MBTPS1: variants seen among roughly 807,000 people sequenced by gnomAD.
MBTPS1 encodes membrane bound transcription factor peptidase, site 1.
Under a neutral mutation model 127.8 loss-of-function variants are expected in MBTPS1, and 94 were observed. The observed-to-expected ratio is 0.74, with a 90% CI of 0.62 to 0.87. The LOEUF (loss-of-function observed/expected upper bound fraction) is 0.87. Ranked by LOEUF, MBTPS1 falls within the 40% of genes least tolerant of loss-of-function variation. The pLI, the probability that MBTPS1 is intolerant of heterozygous loss-of-function variation, is 0.00. For synonymous variants in MBTPS1, 632 were observed against 509.4 expected (o/e 1.24, Z -3.24); for missense variants, 1,636 against 1,353.2 (o/e 1.21, Z -3.28).
At chr16:84,084,320 T>C (rs1029317121) in intron 10 of MBTPS1, among the ~76,000 whole-genome samples, 3 of 152,186 alleles carry the variant, frequency 2.0e-5, no homozygotes, top group African/African-American at 4.8e-5. Context: ...CTAAGCTCCA[T>C]TCCAACTGCA....
intron 2 of MBTPS1, 48 bp downstream of exon 2, chr16:84,101,573 T>C (rs541886009): frequency 6.7e-7 from 1 of 1,499,096 alleles, no homozygotes; most frequent in South Asian, 1.2e-5. Flanking sequence ...TAAGTAAGCT[T>C]TAAAAAAATA....
chr16:84,106,205 G>A (rs548751444), intron 1 of MBTPS1, among the ~76,000 whole-genome samples: 1 of 152,258 alleles, frequency 6.6e-6, no homozygotes, highest in Non-Finnish European at 1.5e-5. Context: ...TCAGGCAGAA[G>A]AATCACTTGA....
chr16:84,087,949 G>A (rs757947771), intron 8 of MBTPS1, among the ~76,000 whole-genome samples: 4 of 152,128 alleles, frequency 2.6e-5, no homozygotes, highest in African/African-American at 4.8e-5. Context: ...GTCAGGAAGT[G>A]GTAAGTTTTC....
Position 84,099,293 on chromosome 16 carries a change from T to C in MBTPS1, c.181A>G (p.Asn61Asp). ...VVEYEYIVAF[N>D]GYFTAKARNS... ...CTAGCTTTGGCTGTAAAGTATCCAT[T>C]GAAAGCCACAATATATTCTGAAACC... The change falls in exon 3 of 23, where the codon AAT (asparagine) becomes GAT (aspartate). Residue 61 changes from asparagine (N) to aspartate (D), a missense_variant. Asn to Asp is a conservative substitution (Grantham distance 23, BLOSUM62 1). Transcript: ENST00000343411. 1 of 1,614,052 alleles carries C rather than the reference T, an allele frequency of 6.2e-7. No individual in the cohort carries two copies. Among genetic ancestry groups the C allele is most frequent in the East Asian group, 2.2e-5 (1 of 44,882 alleles).
chr16:84,056,999 T>G (rs1448703374), intron 21 of MBTPS1: 1 of 152,260 alleles, frequency 6.6e-6, no homozygotes, highest in Non-Finnish European at 1.5e-5. Context: ...ATTTTTCTGT[T>G]ATTTATTCAT....
intron 12 of MBTPS1, chr16:84,071,874 G>C (rs2085774450): frequency 6.6e-6 from 1 of 152,200 alleles, no homozygotes. Context: ...TGTTAGGATT[G>C]ATAGAGAAAA....
intron 11 of MBTPS1, among the ~76,000 whole-genome samples, chr16:84,076,517 A>G (rs532949704): frequency 5.3e-5 from 8 of 152,348 alleles, no homozygotes; most frequent in African/African-American, 1.9e-4. Context: ...TTATTTCCAT[A>G]TGGTAGGTTA....
intron 16 of MBTPS1, among the ~76,000 whole-genome samples, chr16:84,067,143 T>C (rs527455031): frequency 3.2e-4 from 48 of 152,230 alleles, no homozygotes; most frequent in African/African-American, 1.0e-3. Flanking sequence ...AAACAGTTCC[T>C]TTGGTGCATT....
At position 84,081,800 on chromosome 16, in the gene MBTPS1, C is replaced by A; in HGVS notation, c.1395G>T (p.Lys465Asn). 6.6e-7 allele frequency: 1 copy of A among 1,526,090 alleles called. No individual in the cohort carries two copies. Among genetic ancestry groups the A allele is most frequent in the Non-Finnish European group, 8.8e-7 (1 of 1,134,874 alleles). 94.5% of individuals were successfully genotyped at this position (1,526,090 alleles called of 1,614,324 possible). ...TCTGATAGGCTCTGAGCAGATCGAG[C>A]TTGCCGTGGCCTTGCTCAAACATGT... ...GVNMFEQGHG[K>N]LDLLRAYQIL... The change falls in exon 11 of 23, where the codon AAG (lysine) becomes AAT (asparagine). Residue 465 changes from lysine (K) to asparagine (N), a missense_variant. Physicochemically the swap from Lys to Asn is moderately conservative, Grantham distance 94. Transcript: ENST00000343411.
At chr16:84,093,983 AG>A (rs1435628998) in intron 4 of MBTPS1, among the ~76,000 whole-genome samples, 162 bp from the exon 5 acceptor site, 1 of 152,240 alleles carries the variant, frequency 6.6e-6, no homozygotes, top group African/African-American at 2.4e-5. Context: ...TCCCAGGGTC[AG>A]CTGGCTGAGC....
chr16:84,077,234 G>GAAA lies in MBTPS1; in HGVS notation c.1449-2496_1449-2494dup, dbSNP rs1191331764. Among the ~76,000 whole-genome samples, 38 of 100,302 alleles carry GAAA rather than the reference G, an allele frequency of 3.8e-4. 1 individual carries two copies. The highest frequency in any genetic ancestry group is 6.3e-4 in the Non-Finnish European group (31 of 49,584). 65.8% of individuals were successfully genotyped at this position (100,302 alleles called of 152,430 possible). On this transcript the variant is annotated intron_variant, in intron 11 of 22. Transcript: ENST00000343411. ...AGCAAGACCCTGCTGCATTAAAAAA[G>GAAA]AAAAAAAAAAAAAAAAGAGAGAGAG...
intron 9 of MBTPS1, chr16:84,086,352 T>C (rs1400781359): frequency 6.6e-6 from 1 of 152,414 alleles, no homozygotes; most frequent in Non-Finnish European, 1.5e-5. Flanking sequence ...GACAAAGTGG[T>C]GGATGCAGTT....
rs770208882 is a variant in MBTPS1 at position 84,060,711 on chromosome 16, G to A, written c.2675C>T (p.Ala892Val). ...CATCCTCTCTGGAGTGACTGAGCCT[G>A]CTCCACTGGGAGGGCGCTGGCGGTT... is the stretch of plus-strand genomic sequence containing the variant. ...SGNRQRPPSG[A>V]GSVTPERMEG... Residue 892 changes from alanine to valine, a missense_variant, in exon 20 of 23, where the codon GCA becomes GTA. Transcript: ENST00000343411. 6.8e-6 allele frequency: 11 copies of A among 1,613,894 alleles called. 1 individual carries two copies. The highest frequency in any genetic ancestry group is 2.2e-5 in the East Asian group (1 of 44,896).
At chr16:84,075,581 C>G (rs555331214) in intron 11 of MBTPS1, 1 of 152,380 alleles carries the variant, frequency 6.6e-6, no homozygotes, top group African/African-American at 2.4e-5. Flanking sequence ...AAGCTGCACC[C>G]ACGTGCAGTG....
At chr16:84,080,241 G>C (rs1266303465) in intron 11 of MBTPS1, among the ~76,000 whole-genome samples, 3 of 152,214 alleles carry the variant, frequency 2.0e-5, no homozygotes, top group African/African-American at 7.2e-5. Context: ...AAATGGGACA[G>C]AAAGGACAGC....
At chr16:84,067,410 T>A (rs1033907436) in intron 16 of MBTPS1, among the ~76,000 whole-genome samples, 1 of 152,216 alleles carries the variant, frequency 6.6e-6, no homozygotes, top group African/African-American at 2.4e-5. Context: ...TGGAGTACAG[T>A]GGCTTGATCT....
chr16:84,109,534 T>C (rs891001867), intron 1 of MBTPS1: 1 of 152,172 alleles, frequency 6.6e-6, no homozygotes, highest in African/African-American at 2.4e-5. Context: ...GCAGATGCAC[T>C]GAGAAGAGCC....
chr16:84,087,179 C>T (rs869426), intron 9 of MBTPS1, among the ~76,000 whole-genome samples, 179 bp downstream of exon 9: 37,984 of 152,080 alleles, frequency 0.25, 5,151 homozygotes, highest in East Asian at 0.38. Context: ...CAGATGCTGA[C>T]GGGGCCCAGA....
chr16:84,113,265 A>T (rs1054465574), intron 1 of MBTPS1, among the ~76,000 whole-genome samples: 10 of 152,204 alleles, frequency 6.6e-5, no homozygotes, highest in African/African-American at 2.4e-4. Flanking sequence ...GTATCCACTA[A>T]ATGTTAACTG....
Sources: gnomAD v4.1 joint callset for allele counts (sites outside exome capture counted in the v4.1 genomes callset) on GRCh38, gnomAD v4.1.1 for gene constraint, MANE v1.5 for transcripts, NCBI Gene and HGNC (gene_info 2026-07-23, HGNC 2026-07-21) for gene names.